ANKS1B: variants seen among roughly 807,000 people sequenced by gnomAD.
The protein encoded by ANKS1B is ankyrin repeat and sterile alpha motif domain containing 1B.
In ANKS1B, 36 loss-of-function variants were observed where a neutral mutation model predicts 148.3. The observed-to-expected ratio is 0.24, with a 90% CI of 0.19 to 0.32. The LOEUF is 0.32. ANKS1B is among the 10% of genes least tolerant of loss of function. The probability of loss-of-function intolerance (pLI) is 1.00; values close to 1 mark genes in which losing one functional copy is unlikely to be tolerated. For missense variants in ANKS1B, 1,157 were observed against 1,542.6 expected (o/e 0.75, Z 4.19); for synonymous variants, 542 against 560.8 (o/e 0.97, Z 0.47).
At position 99,443,802 on chromosome 12, in the gene ANKS1B, G is replaced by A. The variant is rs2095588640; in HGVS notation, c.1446C>T (p.Ala482=). The change falls in exon 11 of 27, where the codon GCC becomes GCT. Residue 482 remains alanine, a synonymous_variant. Coordinates refer to ENST00000683438, the MANE Select transcript of ANKS1B (RefSeq NM_001352186.2). ...ARAPSPRTDN[A]SEVAVTTPGT... ...CTGGAGTAGTAACTGCTACCTCAGAGGCATTATCTGTGAATAAAAATAGAA... is the reference window on the plus strand; with the variant it reads ...CTGGAGTAGTAACTGCTACCTCAGAAGCATTATCTGTGAATAAAAATAGAA... The A allele has an allele frequency of 1.2e-6, 2 of 1,608,372 alleles. No homozygotes were observed. The highest frequency in any genetic ancestry group is 1.7e-6 in the Non-Finnish European group (2 of 1,176,964).
At chr12:99,534,431 G>C (rs1351186747) in intron 9 of ANKS1B, among the ~76,000 whole-genome samples, 1 of 152,150 alleles carries the variant, frequency 6.6e-6, no homozygotes, top group Non-Finnish European at 1.5e-5. Context: ...AAAGTTACTT[G>C]AAAAATAATG....
chr12:99,527,804 CTT>C (rs2096941817), intron 9 of ANKS1B, among the ~76,000 whole-genome samples: 1 of 151,444 alleles, frequency 6.6e-6, no homozygotes, highest in African/African-American at 2.4e-5. Flanking sequence ...CAATAAATAA[CTT>C]TGATTAAAAT....
intron 12 of ANKS1B, among the ~76,000 whole-genome samples, chr12:99,325,377 GC>G (rs1401479855): frequency 4.6e-5 from 7 of 152,024 alleles, no homozygotes; most frequent in Non-Finnish European, 1.5e-5. Flanking sequence ...TGGGGCTAAT[GC>G]CCCAAAGAAA....
At chr12:99,081,757 C>T (rs1161347888) in intron 16 of ANKS1B, among the ~76,000 whole-genome samples, 7 of 152,098 alleles carry the variant, frequency 4.6e-5, no homozygotes, top group Non-Finnish European at 1.5e-5. Flanking sequence ...ATTCTACGTT[C>T]AGTTTCTCTT....
intron 10 of ANKS1B, among the ~76,000 whole-genome samples, chr12:99,472,108 T>C (rs116470664): frequency 1.5e-3 from 233 of 152,268 alleles, no homozygotes; most frequent in African/African-American, 5.0e-3. Context: ...CAGTAAATTA[T>C]AGTCTGACCT....
chr12:98,913,542 C>T (rs1320544711), intron 17 of ANKS1B, among the ~76,000 whole-genome samples: 1 of 152,186 alleles, frequency 6.6e-6, no homozygotes, highest in African/African-American at 2.4e-5. Context: ...GTTGACACTT[C>T]CTCAGTGTAC....
At chr12:99,584,206 C>A (rs1310745402) in intron 9 of ANKS1B, among the ~76,000 whole-genome samples, 1 of 152,102 alleles carries the variant, frequency 6.6e-6, no homozygotes, top group Middle Eastern at 3.2e-3. Context: ...AAGTCATGGG[C>A]AAAAGCTTAT....
At chr12:98,736,843 C>T (rs2097775943) in intron 9 of ANKS1B, among the ~76,000 whole-genome samples, 1 of 152,218 alleles carries the variant, frequency 6.6e-6, no homozygotes, top group Admixed American at 6.5e-5. Flanking sequence ...TCAGTCTGCT[C>T]ATTCACCCAC....
chr12:99,007,841 G>A (rs1222191262), intron 17 of ANKS1B, among the ~76,000 whole-genome samples: 1 of 148,686 alleles, frequency 6.7e-6, no homozygotes, highest in Non-Finnish European at 1.5e-5. Flanking sequence ...ATACCCTAGC[G>A]ACCACTGAGA....
At chr12:99,896,411 G>C (rs970659767) in intron 1 of ANKS1B, among the ~76,000 whole-genome samples, 17 of 150,592 alleles carry the variant, frequency 1.1e-4, no homozygotes, top group Admixed American at 3.3e-4. Context: ...CATTCATGTT[G>C]TTACAAATGG....
intron 9 of ANKS1B, among the ~76,000 whole-genome samples, chr12:99,590,683 T>G (rs1004925766): frequency 6.6e-6 from 1 of 152,014 alleles, no homozygotes; most frequent in Non-Finnish European, 1.5e-5. Flanking sequence ...GTGAAGGAGG[T>G]TGAAAACACT....
chr12:99,463,872 G>A (rs1008343651), intron 10 of ANKS1B, among the ~76,000 whole-genome samples: 4 of 152,144 alleles, frequency 2.6e-5, no homozygotes, highest in African/African-American at 7.2e-5. Context: ...GGGCACAGAC[G>A]ACAAAAAGAC....
At chr12:99,887,474 G>C (rs192527350) in intron 1 of ANKS1B, among the ~76,000 whole-genome samples, 1 of 152,202 alleles carries the variant, frequency 6.6e-6, no homozygotes, top group East Asian at 1.9e-4. Context: ...AATTATATAT[G>C]TAGCTTGTAT....
intron 14 of ANKS1B, among the ~76,000 whole-genome samples, chr12:99,185,900 C>T (rs919558271): frequency 6.6e-6 from 1 of 152,148 alleles, no homozygotes; most frequent in African/African-American, 2.4e-5. Flanking sequence ...GAACTGTTCA[C>T]TCCCCTGGAA....
At chr12:98,743,515 C>T (rs1458253140), downstream of ANKS1B, among the ~76,000 whole-genome samples, 1 of 152,078 alleles carries the variant, frequency 6.6e-6, no homozygotes. Flanking sequence ...CAAATCTCTT[C>T]GTCAATGCAT....
At chr12:99,654,226 C>T (rs192414425) in intron 9 of ANKS1B, among the ~76,000 whole-genome samples, 93 of 152,194 alleles carry the variant, frequency 6.1e-4, no homozygotes, top group African/African-American at 2.1e-3. Flanking sequence ...ATGTGGAAGA[C>T]GTGATGGTTT....
At chr12:99,210,546 C>A (rs1185882582) in intron 14 of ANKS1B, among the ~76,000 whole-genome samples, 1 of 152,172 alleles carries the variant, frequency 6.6e-6, no homozygotes, top group Non-Finnish European at 1.5e-5. Context: ...ATCCCTAATG[C>A]AATTGCTGTT....
At chr12:99,777,785 C>T (rs550187142) in intron 6 of ANKS1B, among the ~76,000 whole-genome samples, 60 of 151,848 alleles carry the variant, frequency 4.0e-4, no homozygotes, top group African/African-American at 1.3e-3. Flanking sequence ...GGGGTTTCAC[C>T]GTGTTAGCCG....
chr12:99,390,474 T>G (rs2094020174), intron 12 of ANKS1B, among the ~76,000 whole-genome samples: 1 of 152,134 alleles, frequency 6.6e-6, no homozygotes, highest in African/African-American at 2.4e-5. Flanking sequence ...CATACCAGCT[T>G]CTGGAGAATT....
Sources: allele counts gnomAD v4.1 joint callset (sites outside exome capture counted in the v4.1 genomes callset), GRCh38; gene constraint gnomAD v4.1.1; transcripts MANE v1.5; gene names NCBI Gene and HGNC (gene_info 2026-07-23, HGNC 2026-07-21).